GPC5: variants seen among roughly 807,000 people sequenced by gnomAD.
GPC5 encodes the protein glypican 5.
In GPC5, 47 loss-of-function variants were observed where a neutral mutation model predicts 53.9. The ratio of observed to expected loss-of-function variants is 0.87; its 90% CI spans 0.69 to 1.11. The LOEUF (loss-of-function observed/expected upper bound fraction) is 1.11, where lower values mean the gene tolerates loss of function less well. Among genes scored for constraint, GPC5 ranks in the 50% most tolerant of loss-of-function variants. The pLI, the probability that GPC5 is intolerant of heterozygous loss-of-function variation, is 0.00. For missense variants in GPC5, 748 were observed against 713.1 expected (o/e 1.05, Z -0.56); for synonymous variants, 286 against 263.3 (o/e 1.09, Z -0.84).
At chr13:92,545,492 C>G (rs1243305179) in intron 7 of GPC5, among the ~76,000 whole-genome samples, 1 of 152,130 alleles carries the variant, frequency 6.6e-6, no homozygotes, top group Non-Finnish European at 1.5e-5. Flanking sequence ...GAGGAATCAC[C>G]ACACTGACTT....
chr13:92,487,333 C>T (rs766955007), intron 7 of GPC5, among the ~76,000 whole-genome samples: 3 of 152,082 alleles, frequency 2.0e-5, no homozygotes, highest in Admixed American at 6.6e-5. Context: ...TGAGAGTGAC[C>T]ACCAATGGAG....
At chr13:91,555,642 G>C (rs1222254989) in intron 2 of GPC5, among the ~76,000 whole-genome samples, 4 of 152,020 alleles carry the variant, frequency 2.6e-5, no homozygotes, top group Admixed American at 6.6e-5. Context: ...CTGTACTCAT[G>C]TTGCTAAAGA....
chr13:91,683,557 A>G (rs1038376257), intron 2 of GPC5, among the ~76,000 whole-genome samples: 6 of 152,174 alleles, frequency 3.9e-5, no homozygotes, highest in African/African-American at 7.2e-5. Flanking sequence ...TCCGGCTTCC[A>G]TGCTGCCATT....
intron 2 of GPC5, among the ~76,000 whole-genome samples, chr13:91,618,937 T>G (rs1240203875): frequency 6.6e-6 from 1 of 152,128 alleles, no homozygotes; most frequent in Non-Finnish European, 1.5e-5. Flanking sequence ...AAATGCACTA[T>G]TTTTACTACT....
chr13:92,421,562 G>A (rs1014845455), intron 7 of GPC5, among the ~76,000 whole-genome samples: 4 of 151,834 alleles, frequency 2.6e-5, no homozygotes, highest in Non-Finnish European at 2.9e-5. Context: ...AGTCGGGCGT[G>A]GTGGCGGGCA....
chr13:92,232,850 T>G (rs1204725304), intron 7 of GPC5, among the ~76,000 whole-genome samples: 2 of 152,194 alleles, frequency 1.3e-5, no homozygotes, highest in East Asian at 3.8e-4. Flanking sequence ...ATTGTAGCAG[T>G]TATCCAATCT....
intron 7 of GPC5, among the ~76,000 whole-genome samples, chr13:92,681,574 T>C (rs1887112162): frequency 6.6e-6 from 1 of 152,144 alleles, no homozygotes; most frequent in Admixed American, 6.6e-5. Flanking sequence ...CCTTACGACA[T>C]CTTTGAATCA....
intron 7 of GPC5, among the ~76,000 whole-genome samples, chr13:92,560,122 A>G (rs971879291): frequency 3.3e-5 from 5 of 152,010 alleles, no homozygotes; most frequent in Admixed American, 1.3e-4. Context: ...TATCTTAAAT[A>G]TTATTAGCAA....
intron 7 of GPC5, among the ~76,000 whole-genome samples, chr13:92,762,859 A>G (rs759242750): frequency 4.0e-5 from 6 of 151,714 alleles, no homozygotes; most frequent in Non-Finnish European, 7.4e-5. Flanking sequence ...TTCAAGTTAG[A>G]GATTCTTTCT....
intron 7 of GPC5, among the ~76,000 whole-genome samples, chr13:92,568,727 G>A (rs1309189888): frequency 6.6e-6 from 1 of 152,060 alleles, no homozygotes; most frequent in African/African-American, 2.4e-5. Flanking sequence ...AGTTCGTTTA[G>A]TCCTCATAAG....
At chr13:92,337,888 A>G (rs553482683) in intron 7 of GPC5, among the ~76,000 whole-genome samples, 80 of 152,270 alleles carry the variant, frequency 5.3e-4, no homozygotes, top group Non-Finnish European at 9.1e-4. Context: ...TTCTAGCTGA[A>G]CTTGGTTATG....
At chr13:92,120,365 C>T (rs1451077784) in intron 6 of GPC5, among the ~76,000 whole-genome samples, 3 of 152,122 alleles carry the variant, frequency 2.0e-5, no homozygotes, top group Non-Finnish European at 1.5e-5. Context: ...TCAAGTAATC[C>T]TCCTGCTTCA....
chr13:92,133,221 A>G (rs2352491), intron 6 of GPC5, among the ~76,000 whole-genome samples: 4 of 152,240 alleles, frequency 2.6e-5, no homozygotes, highest in Non-Finnish European at 4.4e-5. Flanking sequence ...TTTGTCTACA[A>G]TTTTGTAGTT....
intron 7 of GPC5, among the ~76,000 whole-genome samples, chr13:92,233,504 C>T (rs1487552392): frequency 6.6e-6 from 1 of 152,100 alleles, no homozygotes; most frequent in South Asian, 2.1e-4. Context: ...CTTTCTACCT[C>T]CTTAGGATCT....
intron 7 of GPC5, among the ~76,000 whole-genome samples, chr13:92,541,726 C>A (rs1382962864): frequency 6.6e-6 from 1 of 151,824 alleles, no homozygotes; most frequent in African/African-American, 2.4e-5. Context: ...ACGCTATTTT[C>A]TAACTTTTTT....
rs542148124 is a variant in GPC5 at position 91,976,882 on chromosome 13, A to G, written c.1401+68825A>G. On this transcript the variant is annotated intron_variant, in intron 6 of 7. Transcript: ENST00000377067. Reference sequence around the variant, plus strand: ...TGGTGAAACCCCGTCTCTACTAAAAACACAAAAATTAGCTCGCATGGTGGC... The same window carrying G: ...TGGTGAAACCCCGTCTCTACTAAAAGCACAAAAATTAGCTCGCATGGTGGC... Among the ~76,000 whole-genome samples the G allele has an allele frequency of 1.5e-3, 229 of 152,106 alleles. 1 individual carries two copies. In the Middle Eastern group the frequency reaches 0.051, roughly 34 times the overall value.
chr13:91,587,899 C>T (rs10492618), intron 2 of GPC5, among the ~76,000 whole-genome samples: 14,653 of 152,148 alleles, frequency 0.096, 811 homozygotes, highest in South Asian at 0.32. Flanking sequence ...CAAATGTCTC[C>T]TGCATTGTAT....
intron 7 of GPC5, among the ~76,000 whole-genome samples, chr13:92,767,475 AG>A (rs1280248348): frequency 6.6e-6 from 1 of 152,204 alleles, no homozygotes; most frequent in Non-Finnish European, 1.5e-5. Flanking sequence ...TCCAAAAAAA[AG>A]AAAAAAGAAA....
At chr13:91,565,426 G>A (rs1327121160) in intron 2 of GPC5, among the ~76,000 whole-genome samples, 1 of 152,206 alleles carries the variant, frequency 6.6e-6, no homozygotes, top group East Asian at 1.9e-4. Context: ...CTGCTTAAGC[G>A]ATGTACAGTT....
Sources: gnomAD v4.1 joint callset for allele counts (sites outside exome capture counted in the v4.1 genomes callset) on GRCh38, gnomAD v4.1.1 for gene constraint, MANE v1.5 for transcripts, NCBI Gene and HGNC (gene_info 2026-07-23, HGNC 2026-07-21) for gene names.